Variants in APOB observed in about 807,000 individuals in gnomAD.
APOB encodes the protein apolipoprotein B-100.
In APOB, 153 loss-of-function variants were observed where a neutral mutation model predicts 314.1. That is an observed-to-expected ratio of 0.49 (90% CI 0.43 to 0.56). APOB has a LOEUF of 0.56. APOB is among the 20% of genes least tolerant of loss of function. APOB has a pLI of 0.00. For missense variants in APOB, 5,430 were observed against 5,350.7 expected, an observed-to-expected ratio of 1.01 and a Z score of -0.46; for synonymous variants, 2,087 against 2,036.4, an observed-to-expected ratio of 1.02 and a Z score of -0.67.
Position 21,026,793 on chromosome 2 carries a change from C to A in APOB, c.2239G>T (p.Glu747Ter). 6.2e-7 allele frequency: 1 copy of A among 1,613,102 alleles called. No homozygotes were observed. Among genetic ancestry groups the A allele is most frequent in the South Asian group, 1.1e-5 (1 of 91,052 alleles). Reference protein sequence around the residue: ...HFGYTKDDKHEQDMVNGIMLS... With the variant: ...HFGYTKDDKH ...GATACTTCACAAATACACACCTGCTCATGTTTATCATCTTTGGTATAGCCA... is the reference window on the plus strand; with the variant it reads ...GATACTTCACAAATACACACCTGCTAATGTTTATCATCTTTGGTATAGCCA... Residue 747 changes from glutamate to a stop codon, truncating the protein, a stop_gained, in exon 15 of 29, where the codon GAG becomes TAG. Transcript: ENST00000233242. LOFTEE classifies it high-confidence loss of function.
chr2:21,010,970 G>A lies in APOB; in HGVS notation c.5898C>T (p.His1966=). 1.2e-6 allele frequency: 2 copies of A among 1,614,166 alleles called. No homozygotes were observed. Among genetic ancestry groups the A allele is most frequent in the South Asian group, 1.1e-5 (1 of 91,088 alleles). The change falls in exon 26 of 29, where the codon CAC becomes CAT. Residue 1966 remains histidine (H), a synonymous_variant. Transcript: ENST00000233242. The part of the protein sequence containing the change: ...SRKSISAALE[H]KVSALLTPAE... ...CTGGAGTAAGCAGGGCACTGACTTT[G>A]TGTTCAAGAGCTGCACTGATGCTTT...
rs759804649 is a variant in APOB, at chr2:21,005,931, C to T, written c.10937G>A (p.Ser3646Asn). ...TTGGTCATTGGAAAGCTCGACCTGG[C>T]TCTGGAAAGACCCAGAATGAATCCG... ...EVRIHSGSFQ[S>N]QVELSNDQEK... The change falls in exon 26 of 29, where the codon AGC (serine) becomes AAC (asparagine). Residue 3646 changes from serine to asparagine, a missense_variant. Ser to Asn is a conservative substitution (Grantham distance 46). Transcript: ENST00000233242. 6.2e-7 allele frequency: 1 copy of T among 1,613,910 alleles called. No individual in the cohort carries two copies. The highest frequency in any genetic ancestry group is 8.5e-7 in the Non-Finnish European group (1 of 1,179,946).
At chr2:21,035,558 A>G (rs1416832222) in intron 7 of APOB, 26 bp downstream of exon 7, 1 of 1,613,510 alleles carries the variant, frequency 6.2e-7, no homozygotes, top group Non-Finnish European at 8.5e-7. Flanking sequence ...TTAAATGACA[A>G]ATCAGGGGTG....
chr2:21,019,787 C>T lies in APOB; in HGVS notation c.2935G>A (p.Gly979Ser). 1 of 1,614,172 alleles carries T rather than the reference C, an allele frequency of 6.2e-7. No homozygotes were observed. The highest frequency in any genetic ancestry group is 8.5e-7 in the Non-Finnish European group (1 of 1,180,040). Residue 979 changes from glycine (G) to serine (S), a missense_variant, in exon 19 of 29, where the codon GGC becomes AGC. Transcript: ENST00000233242. ...VFPGLNYCTS[G>S]AYSNASSTDS... is the part of the protein sequence containing the mutation. ...GTGGAGCTGGCGTTGGAGTAAGCGC[C>T]TGAGGTGCAGTAATTCAGGCCAGGA...
chr2:21,039,143 G>A (rs1160187492), intron 4 of APOB, among the ~76,000 whole-genome samples: 3 of 152,148 alleles, frequency 2.0e-5, no homozygotes, highest in Non-Finnish European at 2.9e-5. Context: ...CTGTGTCAAA[G>A]GGTATTAAGT....
In APOB at chr2:21,009,762, T is replaced by C; in HGVS notation, c.7106A>G (p.Lys2369Arg). ...TAGCTTCTGAATAGTCTCCTTCAAC[T>C]TGTATTGGTGGGCCAACTCTACTAA... Reference protein sequence around the residue: ...DKLVELAHQYKLKETIQKLSN... With the variant: ...DKLVELAHQYRLKETIQKLSN... The change falls in exon 26 of 29, where the codon AAG (lysine) becomes AGG (arginine). Residue 2369 changes from lysine to arginine, a missense_variant. Physicochemically the swap from Lys to Arg is conservative, Grantham distance 26. Around this residue, in one of 3 missense-constraint regions of APOB, gnomAD observed 3,281 missense variants for 3,171.0 expected, o/e 1.03. Coordinates refer to ENST00000233242, the MANE Select transcript of APOB (RefSeq NM_000384.3). 1 of 1,614,044 alleles carries C rather than the reference T, an allele frequency of 6.2e-7. No individual in the cohort carries two copies. Among genetic ancestry groups the C allele is most frequent in the South Asian group, 1.1e-5 (1 of 91,072 alleles).
At chr2:21,013,558 TC>T in intron 24 of APOB, 25 bp from the exon 25 acceptor site, 2 of 1,613,630 alleles carry the variant, frequency 1.2e-6, no homozygotes, top group Non-Finnish European at 1.7e-6. Context: ...AAAGATAACA[TC>T]CCCACAGTCA....
chr2:21,042,438 A>G lies in APOB; in HGVS notation c.160T>C (p.Tyr54His), dbSNP rs1444080943. Residue 54 changes from tyrosine to histidine, a missense_variant, in exon 3 of 29, where the codon TAC becomes CAC. By Grantham distance (83) the Tyr-to-His change is moderately conservative. Around this residue, in one of 3 missense-constraint regions of APOB, gnomAD observed 2,085 missense variants for 2,079.7 expected, o/e 1.00. Coordinates refer to ENST00000233242, the MANE Select transcript of APOB (RefSeq NM_000384.3). ...TRFKHLRKYT[Y>H]NYEAESSSGV... ...CTGGAACTCTCAGCCTCATAGTTGT[A>G]TGTGTACTTCCGGAGGTGCTTGAAT... 2 of 1,614,122 alleles carry G rather than the reference A, an allele frequency of 1.2e-6. No individual in the cohort carries two copies. Among genetic ancestry groups the G allele is most frequent in the Admixed American group, 1.7e-5 (1 of 59,998 alleles).
chr2:21,007,035 A>G lies in APOB; in HGVS notation c.9833T>C (p.Val3278Ala), dbSNP rs1663164232. Residue 3278 changes from valine (V) to alanine (A), a missense_variant, in exon 26 of 29, where the codon GTC becomes GCC. Physicochemically the swap from Val to Ala is moderately conservative, Grantham distance 64. Coordinates refer to ENST00000233242, the MANE Select transcript of APOB (RefSeq NM_000384.3). ...TAGGATGGAGAAACTAGGCATGCTG[A>G]CTGCTTTTGGGAACACATAGCCGAA... ...SAFGYVFPKA[V>A]SMPSFSILGS... is the part of the protein sequence containing the mutation. 6.2e-7 allele frequency: 1 copy of G among 1,613,934 alleles called. No individual in the cohort carries two copies. Among genetic ancestry groups the G allele is most frequent in the African/African-American group, 1.3e-5 (1 of 74,910 alleles).
intron 14 of APOB, 81 bp downstream of exon 14, chr2:21,027,747 G>T: frequency 1.8e-6 from 2 of 1,089,146 alleles, no homozygotes; most frequent in Non-Finnish European, 1.4e-6. Flanking sequence ...TTTTCCTCTG[G>T]GTAGCTCCTG....
chr2:21,023,767 A>G, intron 16 of APOB, 75 bp from the exon 17 acceptor site: 2 of 1,250,834 alleles, frequency 1.6e-6, no homozygotes, highest in Non-Finnish European at 2.2e-6. Context: ...AACCTCCCAT[A>G]CATTGGAGAG....
rs368284858 is a variant in APOB at position 21,013,530 on chromosome 2, A to G, written c.3846T>C (p.Asp1282=). The G allele has an allele frequency of 1.8e-5, 29 of 1,614,170 alleles. No individual in the cohort carries two copies. Among genetic ancestry groups the G allele is most frequent in the Middle Eastern group, 1.7e-4 (1 of 6,020 alleles). ...HIPENLFLKS[D]GRVKYTLNKN... The stretch of plus-strand genomic sequence containing the variant: ...TGTTCAAGGTATATTTGACCCGGCC[A>G]TCGCTGAAATGAACAACAAAGATAA... Residue 1282 remains aspartate (D), a synonymous_variant, in exon 25 of 29, where the codon GAT becomes GAC. Transcript: ENST00000233242.
rs1298785033 is a variant in APOB at position 21,004,260 on chromosome 2, G to A, written c.12087+9C>T. ...CTTGGGGGCGTGTCACTCATTAGGT[G>A]GTATTTACCTGAGGGCTGTAGTAGA... On this transcript the variant is annotated intron_variant, in intron 28 of 28. Transcript: ENST00000233242. The A allele has an allele frequency of 2.4e-5, 38 of 1,613,450 alleles. No individual in the cohort carries two copies. The highest frequency in any genetic ancestry group is 2.8e-5 in the Non-Finnish European group (33 of 1,179,636).
chr2:21,009,514 C>A lies in APOB; in HGVS notation c.7354G>T (p.Gly2452Cys). The A allele has an allele frequency of 1.2e-6, 2 of 1,614,052 alleles. No individual in the cohort carries two copies. The highest frequency in any genetic ancestry group is 1.7e-6 in the Non-Finnish European group (2 of 1,179,970). The change falls in exon 26 of 29, where the codon GGT becomes TGT. Residue 2452 changes from glycine (G) to cysteine (C), a missense_variant. Gly to Cys is a radical substitution (Grantham distance 159). Coordinates refer to ENST00000233242, the MANE Select transcript of APOB (RefSeq NM_000384.3). ...KIREVTQRLN[G>C]EIQALELPQK... ...GGTAGTTCCAGAGCCTGAATTTCAC[C>A]ATTGAGTCTCTGAGTCACCTCACGG...
rs1194872921 is a variant in APOB at position 21,010,950 on chromosome 2, G to A, written c.5918C>T (p.Thr1973Ile). 4 of 1,614,162 alleles carry A rather than the reference G, an allele frequency of 2.5e-6. No homozygotes were observed. Among genetic ancestry groups the A allele is most frequent in the Middle Eastern group, 1.7e-4 (1 of 6,060 alleles). The change falls in exon 26 of 29, where the codon ACT becomes ATT. Residue 1973 changes from threonine (T) to isoleucine (I), a missense_variant. By Grantham distance (89) the Thr-to-Ile change is moderately conservative (BLOSUM62 -1). Transcript: ENST00000233242. ...ALEHKVSALL[T>I]PAEQTGTWKL... is the part of the protein sequence containing the mutation. Reference sequence around the variant, plus strand: ...CCAGGTGCCTGTCTGCTCAGCTGGAGTAAGCAGGGCACTGACTTTGTGTTC... The same window carrying A: ...CCAGGTGCCTGTCTGCTCAGCTGGAATAAGCAGGGCACTGACTTTGTGTTC...
At chr2:21,028,257 G>A (rs1369226072) in intron 13 of APOB, 70 bp downstream of exon 13, 3 of 1,396,086 alleles carry the variant, frequency 2.1e-6, no homozygotes, top group East Asian at 2.3e-5. Context: ...CAGTGGCTAT[G>A]CCAAAACCTA....
In APOB at chr2:21,008,843, G is replaced by T. The variant is rs147562348; in HGVS notation, c.8025C>A (p.Thr2675=). The change falls in exon 26 of 29, where the codon ACC becomes ACA. Residue 2675 remains threonine, a synonymous_variant. Transcript: ENST00000233242. Reference sequence around the variant, plus strand: ...GCTCACTGTTCAGCATCTGGTCAATGGTTCTGATGATCTTTACTTTCATTT... The same window carrying T: ...GCTCACTGTTCAGCATCTGGTCAATTGTTCTGATGATCTTTACTTTCATTT... ...FVEMKVKIIR[T]IDQMLNSELQ... is the part of the protein sequence containing the mutation. The T allele has an allele frequency of 1.2e-6, 2 of 1,613,916 alleles. No homozygotes were observed. Among genetic ancestry groups the T allele is most frequent in the African/African-American group, 2.7e-5 (2 of 74,894 alleles).
Position 21,010,780 on chromosome 2 carries a change from G to C in APOB, c.6088C>G (p.Leu2030Val), listed in dbSNP as rs1663291570. The C allele has an allele frequency of 1.2e-6, 2 of 1,614,130 alleles. No homozygotes were observed. Among genetic ancestry groups the C allele is most frequent in the Non-Finnish European group, 1.7e-6 (2 of 1,180,006 alleles). The change falls in exon 26 of 29, where the codon CTC becomes GTC. Residue 2030 changes from leucine (L) to valine (V), a missense_variant. Leu to Val is a conservative substitution (Grantham distance 32). Around this residue, in one of 3 missense-constraint regions of APOB, gnomAD observed 3,281 missense variants for 3,171.0 expected, o/e 1.03. Coordinates refer to ENST00000233242, the MANE Select transcript of APOB (RefSeq NM_000384.3). ...TCAATGATATTGATGGGCTCACTGA[G>C]TAAAAGTGGCACTTTAATTGGGGAG... The part of the protein sequence containing the change: ...LDSPIKVPLL[L>V]SEPINIIDAL...
At chr2:21,031,902 G>A (rs1002959468) in intron 10 of APOB, among the ~76,000 whole-genome samples, 1 of 151,948 alleles carries the variant, frequency 6.6e-6, no homozygotes, top group Non-Finnish European at 1.5e-5. Context: ...AAATTCAGAG[G>A]AAAAAACTGC....
Sources: allele counts gnomAD v4.1 joint callset (sites outside exome capture counted in the v4.1 genomes callset), GRCh38; gene constraint gnomAD v4.1.1; regional missense constraint gnomAD v4.1.1; transcripts MANE v1.5; gene names NCBI Gene and HGNC (gene_info 2026-07-23, HGNC 2026-07-21).